Variants in LPP observed in about 807,000 individuals in gnomAD.
The protein encoded by LPP is LIM domain containing preferred translocation partner in lipoma, also known as lipoma-preferred partner.
LPP carries 38 observed loss-of-function variants against 60.4 expected under a neutral mutation model. The ratio of observed to expected loss-of-function variants is 0.63; its 90% CI spans 0.49 to 0.83. The LOEUF (loss-of-function observed/expected upper bound fraction) is 0.83. Ranked by LOEUF, LPP falls within the 40% of genes least tolerant of loss-of-function variation. The pLI, the probability that LPP is intolerant of heterozygous loss-of-function variation, is 0.00. For missense variants in LPP, 902 were observed against 783.6 expected, an observed-to-expected ratio of 1.15 and a Z score of -1.80; for synonymous variants, 328 against 290.8, an observed-to-expected ratio of 1.13 and a Z score of -1.30.
chr3:188,394,359 A>G (rs965603149), intron 3 of LPP, among the ~76,000 whole-genome samples: 82 of 152,214 alleles, frequency 5.4e-4, no homozygotes, highest in African/African-American at 1.9e-3. Context: ...CTGCCATGGA[A>G]GGGGCTGTCT....
At chr3:188,367,008 T>C (rs1645254051) in intron 3 of LPP, among the ~76,000 whole-genome samples, 1 of 152,090 alleles carries the variant, frequency 6.6e-6, no homozygotes, top group Admixed American at 6.5e-5. Context: ...GTCATTCTCC[T>C]GCCTCAGCCT....
intron 2 of LPP, among the ~76,000 whole-genome samples, chr3:188,231,033 T>C (rs79996183): frequency 0.017 from 2,597 of 152,128 alleles, 37 homozygotes; most frequent in South Asian, 0.03. Context: ...GGGCTCTCTA[T>C]AGGGCAGCTC....
intron 1 of LPP, among the ~76,000 whole-genome samples, chr3:188,184,438 T>C (rs1725977634): frequency 6.6e-6 from 1 of 152,182 alleles, no homozygotes; most frequent in African/African-American, 2.4e-5. Context: ...ACAAGTGTGC[T>C]GCCTGGGGAG....
chr3:188,160,110 AC>A (rs751049577), intron 1 of LPP, among the ~76,000 whole-genome samples: 13 of 151,010 alleles, frequency 8.6e-5, no homozygotes, highest in African/African-American at 1.2e-4. Context: ...ACGGAGTTTC[AC>A]CATGTTGGCC....
At chr3:188,384,329 CATGTGTGTGTGT>C (rs1777637952) in intron 3 of LPP, among the ~76,000 whole-genome samples, 1 of 14,736 alleles carries the variant, frequency 6.8e-5, no homozygotes, top group African/African-American at 2.8e-4. Flanking sequence ...TATGTATGTG[CATGTGTGTGTGT>C]GTGTGTGTGT....
At chr3:188,504,648 TTTG>T (rs1433224946) in intron 5 of LPP, among the ~76,000 whole-genome samples, 1 of 152,200 alleles carries the variant, frequency 6.6e-6, no homozygotes, top group African/African-American at 2.4e-5. Context: ...ATTAGCTTTT[TTTG>T]TTAACTTGTG....
chr3:188,389,107 A>G (rs944342058), intron 3 of LPP, among the ~76,000 whole-genome samples: 4 of 151,862 alleles, frequency 2.6e-5, no homozygotes, highest in Admixed American at 6.6e-5. Context: ...TTATTATTTA[A>G]GTTGTGTGTG....
intron 7 of LPP, among the ~76,000 whole-genome samples, chr3:188,633,789 T>G (rs1026993378): frequency 6.6e-6 from 1 of 152,244 alleles, no homozygotes; most frequent in African/African-American, 2.4e-5. Context: ...CAAGCTGTTA[T>G]CACAGTTCCA....
At chr3:188,733,475 C>T (rs918522737) in intron 8 of LPP, among the ~76,000 whole-genome samples, 2 of 152,078 alleles carry the variant, frequency 1.3e-5, no homozygotes, top group Admixed American at 6.5e-5. Flanking sequence ...AAAAATTAAG[C>T]CCCCCTTCTC....
At chr3:188,475,773 G>C (rs925342426) in intron 4 of LPP, among the ~76,000 whole-genome samples, 5 of 152,080 alleles carry the variant, frequency 3.3e-5, no homozygotes, top group African/African-American at 1.2e-4. Context: ...CGTGGTGGCG[G>C]GCGCCTGTAG....
In LPP at chr3:188,609,146, T is replaced by C; in HGVS notation, c.430-15T>C. 6.5e-7 allele frequency: 1 copy of C among 1,549,878 alleles called. No homozygotes were observed. Among genetic ancestry groups the C allele is most frequent in the Non-Finnish European group, 8.7e-7 (1 of 1,148,086 alleles). Reference sequence around the variant, plus strand: ...TTTTGCTTTCTTTCTTTCTTTTTTTTCCTATTCTTTTTAGAGCTCCACTGG... The same window carrying C: ...TTTTGCTTTCTTTCTTTCTTTTTTTCCCTATTCTTTTTAGAGCTCCACTGG... On this transcript the variant is annotated splice_polypyrimidine_tract_variant and intron_variant, in intron 6 of 11. Transcript: ENST00000617246. This position sits in a 1 kb window ranked among gnomAD's most constrained non-coding sequence, Gnocchi z 6.9.
At chr3:188,519,732 A>G (rs1325587187) in intron 5 of LPP, among the ~76,000 whole-genome samples, 1 of 152,224 alleles carries the variant, frequency 6.6e-6, no homozygotes, top group Non-Finnish European at 1.5e-5. Flanking sequence ...TTATGTAGAC[A>G]GAAAGCTAGT....
chr3:188,383,050 C>T (rs1777318034), intron 3 of LPP, among the ~76,000 whole-genome samples: 1 of 152,220 alleles, frequency 6.6e-6, no homozygotes, highest in Non-Finnish European at 1.5e-5. Flanking sequence ...AATCTGGGTG[C>T]TGGTTTATAA....
chr3:188,467,224 T>C (rs1237453579), intron 4 of LPP, among the ~76,000 whole-genome samples: 1 of 152,028 alleles, frequency 6.6e-6, no homozygotes, highest in African/African-American at 2.4e-5. Flanking sequence ...TTAAATGTGG[T>C]AGCAAGATTA....
rs1191757812 is a variant in LPP, at chr3:188,886,751, C to T, written c.*12272C>T. 1 of 230,100 alleles carries T rather than the reference C, an allele frequency of 4.3e-6. No individual in the cohort carries two copies. Among genetic ancestry groups the T allele is most frequent in the African/African-American group, 2.2e-5 (1 of 44,760 alleles). The allele number at this position is 230,100 out of a possible 1,614,324, so 14.3% of individuals were successfully genotyped here. ...ACACACACACATACACACACACACA[C>T]ACACACACACACACCCCTTCCAAGA... On this transcript the variant is annotated 3_prime_UTR_variant, in exon 12 of 12. Transcript: ENST00000617246.
At chr3:188,724,441 T>C (rs1433623180) in intron 8 of LPP, among the ~76,000 whole-genome samples, 1 of 152,226 alleles carries the variant, frequency 6.6e-6, no homozygotes, top group African/African-American at 2.4e-5. Flanking sequence ...TGATTTTCTC[T>C]GATTGAAAGC....
intron 6 of LPP, among the ~76,000 whole-genome samples, chr3:188,580,042 A>G (rs1239675825): frequency 6.6e-6 from 1 of 152,074 alleles, no homozygotes; most frequent in African/African-American, 2.4e-5. Flanking sequence ...CACATATATA[A>G]AATAAAATAA....
intron 9 of LPP, among the ~76,000 whole-genome samples, chr3:188,840,641 G>A (rs1759716746): frequency 1.3e-5 from 2 of 152,076 alleles, no homozygotes; most frequent in South Asian, 2.1e-4. Flanking sequence ...TAGCAACACA[G>A]GTATGTGCCA....
chr3:188,760,433 TGTGC>T, intron 9 of LPP, 151 bp downstream of exon 9: 3 of 730,112 alleles, frequency 4.1e-6, no homozygotes, highest in Admixed American at 2.8e-5. Flanking sequence ...TGTGTGTGTG[TGTGC>T]GTGCGCGCAT....
Sources: gnomAD v4.1 joint callset for allele counts (sites outside exome capture counted in the v4.1 genomes callset) on GRCh38, gnomAD v4.1.1 for gene constraint, Gnocchi (gnomAD v3.1) non-coding constraint, MANE v1.5 for transcripts, NCBI Gene and HGNC (gene_info 2026-07-23, HGNC 2026-07-21) for gene names.